CCL16: variants seen among roughly 807,000 people sequenced by gnomAD.
CCL16 encodes the protein C-C motif chemokine 16.
A neutral mutation model predicts 7.5 loss-of-function variants in CCL16; 6 were observed. The observed-to-expected ratio is 0.80, with a 90% CI of 0.44 to 1.57. CCL16 has a LOEUF of 1.57. Ranked by LOEUF, CCL16 falls within the 40% of genes most tolerant of loss-of-function variation. The pLI, the probability that CCL16 is intolerant of heterozygous loss-of-function variation, is 0.01. For missense variants in CCL16, 134 were observed against 142.9 expected (o/e 0.94, Z 0.32); for synonymous variants, 60 against 57.7 (o/e 1.04, Z -0.18).
chr17:35,979,124 T>G (rs1195803584), intron 1 of CCL16, among the ~76,000 whole-genome samples: 2 of 144,846 alleles, frequency 1.4e-5, no homozygotes, highest in African/African-American at 5.3e-5. Flanking sequence ...TGACTCCATC[T>G]CAAAAGAAAA....
At chr17:35,980,468 C>T in intron 1 of CCL16, 1 of 161,674 alleles carries the variant, frequency 6.2e-6, no homozygotes, top group Non-Finnish European at 1.4e-5. Flanking sequence ...TTGTGGTGAG[C>T]CGAGATCGCG....
intron 1 of CCL16, among the ~76,000 whole-genome samples, chr17:35,979,170 A>C (rs2089662895): frequency 6.6e-6 from 1 of 152,048 alleles, no homozygotes. Context: ...GGACTTGTAG[A>C]ATCTGGAAGA....
At position 35,977,712 on chromosome 17, in the gene CCL16, G is replaced by A. The variant is rs192887586; in HGVS notation, c.217C>T (p.Arg73Ter). Residue 73 changes from arginine to a stop codon, truncating the protein, a stop_gained, in exon 3 of 3, where the codon CGA (arginine) becomes TGA (stop). Transcript: ENST00000611905. LOFTEE classifies it low-confidence loss of function (END_TRUNC). ...TCATTGGGGTTGGTGCAGACTTCTC[G>A]GTTCCTCTTGGTGACGAAGCTGCAG... is the stretch of plus-strand genomic sequence containing the variant. ...PAIIFVTKRN[R>*]EVCTNPNDDW... 85 of 1,612,068 alleles carry A rather than the reference G, an allele frequency of 5.3e-5. 1 individual carries two copies. The Admixed American group carries it at 6.2e-4, about 12-fold the overall frequency.
intron 1 of CCL16, among the ~76,000 whole-genome samples, chr17:35,979,520 A>G (rs2089665126): frequency 2.6e-5 from 4 of 152,208 alleles, no homozygotes; most frequent in Middle Eastern, 3.4e-3. Context: ...ATCATGGGCA[A>G]ATTTCTTAAT....
At position 35,977,726 on chromosome 17, in the gene CCL16, A is replaced by T. The variant is rs147072785; in HGVS notation, c.203T>A (p.Val68Asp). The change falls in exon 3 of 3, where the codon GTC becomes GAC. Residue 68 changes from valine to aspartate, a missense_variant. Transcript: ENST00000611905. Reference protein sequence around the residue: ...LNCHLPAIIFVTKRNREVCTN... With the variant: ...LNCHLPAIIFDTKRNREVCTN... ...GCAGACTTCTCGGTTCCTCTTGGTG[A>T]CGAAGCTGCAGAGGCAGAATTAGAC... is the stretch of plus-strand genomic sequence containing the variant. 128 of 1,611,722 alleles carry T rather than the reference A, an allele frequency of 7.9e-5. No individual in the cohort carries two copies. Among genetic ancestry groups the T allele is most frequent in the Non-Finnish European group, 1.0e-4 (119 of 1,179,872 alleles).
At chr17:35,978,020 G>A in intron 2 of CCL16, 123 bp downstream of exon 2, 1 of 1,402,732 alleles carries the variant, frequency 7.1e-7, no homozygotes, top group South Asian at 1.3e-5. Flanking sequence ...GAGAGCCAAA[G>A]GCCAAACCCT....
Position 35,977,562 on chromosome 17 carries a change from G to T in CCL16, c.*4C>A. Reference sequence around the variant, plus strand: ...AAACAAGGGCTTCCACTAAAGCCTGGTCATCACTGGGAGTTGAGGAGCTGG... The same window carrying T: ...AAACAAGGGCTTCCACTAAAGCCTGTTCATCACTGGGAGTTGAGGAGCTGG... On this transcript the variant is annotated 3_prime_UTR_variant, in exon 3 of 3. Transcript: ENST00000611905. The T allele has an allele frequency of 6.2e-7, 1 of 1,612,350 alleles. No individual in the cohort carries two copies. Among genetic ancestry groups the T allele is most frequent in the Non-Finnish European group, 8.5e-7 (1 of 1,179,748 alleles).
chr17:35,976,589 C>T lies in CCL16; in HGVS notation c.*977G>A, dbSNP rs2089637345. The T allele has an allele frequency of 6.6e-6, 1 of 151,894 alleles. No individual in the cohort carries two copies. The highest frequency in any genetic ancestry group is 2.1e-4 in the South Asian group (1 of 4,818). 9.4% of individuals were successfully genotyped at this position (151,894 alleles called of 1,614,324 possible). On this transcript the variant is annotated 3_prime_UTR_variant, in exon 3 of 3. Transcript: ENST00000611905. ...TGTCTCATACCCTTTCTTTCCCTGT[C>T]CTGCAAAGCTTAACATGGGAGGTAG...
rs553061107 is a variant in CCL16 at position 35,977,632 on chromosome 17, C to T, written c.297G>A (p.Arg99=). The stretch of plus-strand genomic sequence containing the variant: ...TAATAATTTTAACCGTGGACAAGTT[C>T]CTGGTAGGCAGCAAAGGTAGGTTGG... ...KDPNLPLLPT[R]NLSTVKIITA... The change falls in exon 3 of 3, where the codon AGG becomes AGA. Residue 99 remains arginine (R), a synonymous_variant. Transcript: ENST00000611905. The T allele has an allele frequency of 6.2e-6, 10 of 1,612,436 alleles. No homozygotes were observed. Among genetic ancestry groups the T allele is most frequent in the African/African-American group, 1.3e-5 (1 of 74,958 alleles).
At position 35,977,576 on chromosome 17, in the gene CCL16, T is replaced by A. The variant is rs1488117959; in HGVS notation, c.353A>T (p.Asn118Ile). 1.2e-6 allele frequency: 2 copies of A among 1,612,502 alleles called. No homozygotes were observed. Among genetic ancestry groups the A allele is most frequent in the African/African-American group, 2.7e-5 (2 of 74,848 alleles). ...TAKNGQPQLL[N>I]SQ is the part of the protein sequence containing the mutation. ...ACTAAAGCCTGGTCATCACTGGGAG[T>A]TGAGGAGCTGGGGTTGACCATTCTT... is the stretch of plus-strand genomic sequence containing the variant. The change falls in exon 3 of 3, where the codon AAC becomes ATC. Residue 118 changes from asparagine to isoleucine, a missense_variant. Coordinates refer to ENST00000611905, the MANE Select transcript of CCL16 (RefSeq NM_004590.4).
In CCL16 at chr17:35,981,474, T is replaced by C; in HGVS notation, c.-54A>G. On this transcript the variant is annotated 5_prime_UTR_variant, in exon 1 of 3. Transcript: ENST00000611905. The stretch of plus-strand genomic sequence containing the variant: ...GAGAGCCGAATGAAGATGTTGTCTG[T>C]TGCTGGTGGTCCGCTTGCCAACTAC... The C allele has an allele frequency of 7.3e-7, 1 of 1,365,358 alleles. No individual in the cohort carries two copies. The highest frequency in any genetic ancestry group is 1.0e-6 in the Non-Finnish European group (1 of 972,084). 84.6% of individuals were successfully genotyped at this position (1,365,358 alleles called of 1,614,324 possible). A position where few individuals can be genotyped will look rare whatever the true frequency, so the allele number is the denominator to read the frequency against.
rs2089646896 is a variant in CCL16 at position 35,977,499 on chromosome 17, G to A, written c.*67C>T. 1 of 1,432,244 alleles carries A rather than the reference G, an allele frequency of 7.0e-7. No homozygotes were observed. Among genetic ancestry groups the A allele is most frequent in the African/African-American group, 1.4e-5 (1 of 70,472 alleles). The allele number at this position is 1,432,244 out of a possible 1,614,324, so 88.7% of individuals were successfully genotyped here. ...GACTGGCTAGTTTCAGCCTAATAAG[G>A]CTTCCCCTGTTTTCATAGGTTTACC... is the stretch of plus-strand genomic sequence containing the variant. On this transcript the variant is annotated 3_prime_UTR_variant, in exon 3 of 3. Coordinates refer to ENST00000611905, the MANE Select transcript of CCL16 (RefSeq NM_004590.4).
chr17:35,979,503 G>A (rs1301606181), intron 1 of CCL16, among the ~76,000 whole-genome samples: 1 of 152,118 alleles, frequency 6.6e-6, no homozygotes, highest in Non-Finnish European at 1.5e-5. Flanking sequence ...TTTGAATTTT[G>A]ACTTGAATCA....
At position 35,978,235 on chromosome 17, in the gene CCL16, G is replaced by A. The variant is rs2141987145; in HGVS notation, c.105C>T (p.Ser35=). The change falls in exon 2 of 3, where the codon TCC becomes TCT. Residue 35 remains serine, a synonymous_variant. Transcript: ENST00000611905. Reference sequence around the variant, plus strand: ...TCTCATAATACTTCAGGCAGCAGGTGGATGGGGTGTTCACCCACTCAGGAA... The same window carrying A: ...TCTCATAATACTTCAGGCAGCAGGTAGATGGGGTGTTCACCCACTCAGGAA... ...PKVPEWVNTP[S]TCCLKYYEKV... 1 of 1,614,236 alleles carries A rather than the reference G, an allele frequency of 6.2e-7. No individual in the cohort carries two copies. The highest frequency in any genetic ancestry group is 8.5e-7 in the Non-Finnish European group (1 of 1,180,022).
Position 35,976,807 on chromosome 17 carries a change from G to C in CCL16, c.*759C>G, listed in dbSNP as rs2089640260. The C allele has an allele frequency of 6.6e-6, 1 of 152,042 alleles. No homozygotes were observed. Among genetic ancestry groups the C allele is most frequent in the African/African-American group, 2.4e-5 (1 of 41,372 alleles). The allele number at this position is 152,042 out of a possible 1,614,324, so 9.4% of individuals were successfully genotyped here. A position where few individuals can be genotyped will look rare whatever the true frequency, so the allele number is the denominator to read the frequency against. On this transcript the variant is annotated 3_prime_UTR_variant, in exon 3 of 3. Transcript: ENST00000611905. ...GAAAAAGTTGCATTATAAAATGAAAGAATAATTGAAGAAAATATAGATCCA... is the reference window on the plus strand; with the variant it reads ...GAAAAAGTTGCATTATAAAATGAAACAATAATTGAAGAAAATATAGATCCA...
chr17:35,976,778 C>G lies in CCL16; in HGVS notation c.*788G>C, dbSNP rs2089639969. The G allele has an allele frequency of 6.7e-6, 1 of 148,866 alleles. No individual in the cohort carries two copies. The highest frequency in any genetic ancestry group is 1.5e-5 in the Non-Finnish European group (1 of 66,362). The allele number at this position is 148,866 out of a possible 1,614,324, so 9.2% of individuals were successfully genotyped here. Reference sequence around the variant, plus strand: ...ATGTGAATATTCCCATCCGGACTTCCTATGAAAAAGTTGCATTATAAAATG... The same window carrying G: ...ATGTGAATATTCCCATCCGGACTTCGTATGAAAAAGTTGCATTATAAAATG... On this transcript the variant is annotated 3_prime_UTR_variant, in exon 3 of 3. Transcript: ENST00000611905.
chr17:35,980,167 C>T (rs1479650219), intron 1 of CCL16, among the ~76,000 whole-genome samples: 3 of 152,298 alleles, frequency 2.0e-5, no homozygotes, highest in East Asian at 1.9e-4. Context: ...GTGCACTTGA[C>T]CCTTGCTCCT....
Position 35,981,386 on chromosome 17 carries a change from A to C in CCL16, c.35T>G (p.Val12Gly). The C allele has an allele frequency of 6.2e-7, 1 of 1,613,036 alleles. No homozygotes were observed. Among genetic ancestry groups the C allele is most frequent in the African/African-American group, 1.3e-5 (1 of 75,012 alleles). The change falls in exon 1 of 3, where the codon GTC becomes GGC. Residue 12 changes from valine (V) to glycine (G), a missense_variant. Val to Gly is a moderately radical substitution (Grantham distance 109). Transcript: ENST00000611905. ...AGCCGAAGTAATGATAAGGATGAGGACAAGGAGAGACAGGGCAGCCTCGGA... is the reference window on the plus strand; with the variant it reads ...AGCCGAAGTAATGATAAGGATGAGGCCAAGGAGAGACAGGGCAGCCTCGGA... Reference protein sequence around the residue: ...KVSEAALSLLVLILIITSASR... With the variant: ...KVSEAALSLLGLILIITSASR...
At chr17:35,979,247 G>A (rs540900082) in intron 1 of CCL16, among the ~76,000 whole-genome samples, 1 of 152,274 alleles carries the variant, frequency 6.6e-6, no homozygotes, top group African/African-American at 2.4e-5. Flanking sequence ...GGCAGTTTGG[G>A]TGGCTGGCAT....
Sources: allele counts gnomAD v4.1 joint callset (sites outside exome capture counted in the v4.1 genomes callset), GRCh38; gene constraint gnomAD v4.1.1; transcripts MANE v1.5; gene names NCBI Gene and HGNC (gene_info 2026-07-23, HGNC 2026-07-21).